Variants in PTPRE observed in about 807,000 individuals in gnomAD.
PTPRE encodes the protein protein tyrosine phosphatase receptor type E.
PTPRE carries 51 observed loss-of-function variants against 102.0 expected under a neutral mutation model. The ratio of observed to expected loss-of-function variants is 0.50; its 90% confidence interval spans 0.40 to 0.63. The LOEUF is 0.63. PTPRE is among the 30% of genes least tolerant of loss of function. The pLI, the probability that PTPRE is intolerant of heterozygous loss-of-function variation, is 0.00. For missense variants in PTPRE, 752 were observed against 915.1 expected (o/e 0.82, Z 2.30); for synonymous variants, 345 against 348.2 (o/e 0.99, Z 0.10).
At position 127,907,273 on chromosome 10, in the gene PTPRE, G is replaced by A; in HGVS notation, c.-67G>A. 1.0e-6 allele frequency: 1 copy of A among 984,746 alleles called. No individual in the cohort carries two copies. The highest frequency in any genetic ancestry group is 1.2e-6 in the Non-Finnish European group (1 of 829,734). 61.0% of individuals were successfully genotyped at this position (984,746 alleles called of 1,614,324 possible). A position where few individuals can be genotyped will look rare whatever the true frequency, so the allele number is the denominator to read the frequency against. ...GCCCGGGAGATGCGGAGCCTCCGCT[G>A]CAGCGCGATCTGCGCGACCAGACCG... is the stretch of plus-strand genomic sequence containing the variant. On this transcript the variant is annotated 5_prime_UTR_variant, in exon 1 of 21. Transcript: ENST00000254667. The surrounding 1 kb of genome is among the most constrained non-coding windows in gnomAD (Gnocchi z 4.8).
intron 6 of PTPRE, among the ~76,000 whole-genome samples, chr10:128,053,976 G>C (rs1324216066): frequency 6.6e-6 from 1 of 152,046 alleles, no homozygotes; most frequent in East Asian, 1.9e-4. Context: ...GGCCAGGCTG[G>C]TCTTGAACTC....
At chr10:128,017,186 C>T (rs1845503963) in intron 2 of PTPRE, among the ~76,000 whole-genome samples, 1 of 152,168 alleles carries the variant, frequency 6.6e-6, no homozygotes, top group Non-Finnish European at 1.5e-5. Flanking sequence ...GAACAGCACC[C>T]AGGTGGCTGA....
chr10:128,072,286 T>A lies in PTPRE; in HGVS notation c.1464+72T>A, dbSNP rs1297205815. On this transcript the variant is annotated intron_variant, in intron 16 of 20. Coordinates refer to ENST00000254667, the MANE Select transcript of PTPRE (RefSeq NM_006504.6). ...ACATGTGACCACAGACTTGATTAGCTTGTTTTCACAATGAGAAAGAATTGA... is the reference window on the plus strand; with the variant it reads ...ACATGTGACCACAGACTTGATTAGCATGTTTTCACAATGAGAAAGAATTGA... 4 of 1,279,658 alleles carry A rather than the reference T, an allele frequency of 3.1e-6. No homozygotes were observed. In the African/African-American group the frequency reaches 6.0e-5, roughly 19 times the overall value. 79.3% of individuals were successfully genotyped at this position (1,279,658 alleles called of 1,614,324 possible).
chr10:128,040,437 G>A (rs1472175005), intron 2 of PTPRE, among the ~76,000 whole-genome samples: 4 of 152,180 alleles, frequency 2.6e-5, no homozygotes, highest in East Asian at 3.9e-4. Context: ...GTGTGAAGAG[G>A]ACAGCGTGGC....
intron 1 of PTPRE, among the ~76,000 whole-genome samples, chr10:127,954,261 A>G (rs886589876): frequency 2.0e-5 from 3 of 152,154 alleles, no homozygotes; most frequent in Non-Finnish European, 4.4e-5. Flanking sequence ...TACAGCCACC[A>G]CTGAGTGACC....
chr10:128,032,634 G>A (rs1846866770), intron 2 of PTPRE, among the ~76,000 whole-genome samples: 1 of 152,234 alleles, frequency 6.6e-6, no homozygotes. Context: ...CAGTGTGGCG[G>A]GAGGAGGCTT....
At position 127,976,738 on chromosome 10, in the gene PTPRE, A is replaced by T. The variant is rs566579472; in HGVS notation, c.-30-5536A>T. Among the ~76,000 whole-genome samples, 3 of 152,328 alleles carry T rather than the reference A, an allele frequency of 2.0e-5. No individual in the cohort carries two copies. The East Asian group carries it at 5.8e-4, about 29-fold the overall frequency. ...CATGTCAGGGAGGGCTCCCTCCCCCAAGTTCAGTAGCTCCTTCTGTCCTGT... is the reference window on the plus strand; with the variant it reads ...CATGTCAGGGAGGGCTCCCTCCCCCTAGTTCAGTAGCTCCTTCTGTCCTGT... On this transcript the variant is annotated intron_variant, in intron 1 of 20. Transcript: ENST00000254667.
chr10:128,018,558 G>A (rs1202626283), intron 2 of PTPRE, among the ~76,000 whole-genome samples: 2 of 152,188 alleles, frequency 1.3e-5, no homozygotes, highest in Admixed American at 6.5e-5. Context: ...GGTGTTGGCC[G>A]AGGCCCTCGC....
rs1334839481 is a variant in PTPRE at position 127,924,436 on chromosome 10, G to A, written c.-31+17127G>A. On this transcript the variant is annotated intron_variant, in intron 1 of 20. Coordinates refer to ENST00000254667, the MANE Select transcript of PTPRE (RefSeq NM_006504.6). ...AGACAGGGTTTTGCCATGTTGGCCA[G>A]GCTGATCTCAAATTCCTGATCTCAA... 2.6e-5 allele frequency among the ~76,000 whole-genome samples: 4 copies of A among 152,182 alleles called. No individual in the cohort carries two copies. The East Asian group carries it at 7.7e-4, about 29-fold the overall frequency.
In PTPRE at chr10:128,079,629, A is replaced by C. The variant is rs17854594; in HGVS notation, c.1962A>C (p.Gly654=). 6.2e-7 allele frequency: 1 copy of C among 1,613,956 alleles called. No individual in the cohort carries two copies. The highest frequency in any genetic ancestry group is 8.5e-7 in the Non-Finnish European group (1 of 1,179,850). The change falls in exon 20 of 21, where the codon GGA becomes GGC. Residue 654 remains glycine (G), a synonymous_variant. Transcript: ENST00000254667. ...TTTTGGAGCGAGTAAAAGCCGAGGG[A>C]CTTTTAGATGTATTTCAAGCTGTGA... ...SNILERVKAE[G]LLDVFQAVKS...
intron 2 of PTPRE, among the ~76,000 whole-genome samples, chr10:128,035,698 T>A (rs753328025): frequency 8.5e-5 from 13 of 152,134 alleles, no homozygotes; most frequent in Non-Finnish European, 1.3e-4. Flanking sequence ...GGGGGCAGTG[T>A]GGGTCAGTCC....
intron 6 of PTPRE, 97 bp downstream of exon 6, chr10:128,049,763 C>T: frequency 1.3e-6 from 2 of 1,539,660 alleles, no homozygotes; most frequent in Non-Finnish European, 1.8e-6. Flanking sequence ...AGACTCAGAA[C>T]CCTTGCATCA....
chr10:127,967,669 C>T (rs749336503), intron 1 of PTPRE, among the ~76,000 whole-genome samples: 4 of 152,168 alleles, frequency 2.6e-5, no homozygotes, highest in Non-Finnish European at 4.4e-5. Context: ...TAAAATGCAG[C>T]ATCCTTACAG....
At chr10:127,913,994 G>T (rs534824953) in intron 1 of PTPRE, among the ~76,000 whole-genome samples, 1 of 152,188 alleles carries the variant, frequency 6.6e-6, no homozygotes, top group Non-Finnish European at 1.5e-5. Context: ...GGTCCCCAGC[G>T]TTGGAGGTAG....
chr10:127,956,519 A>G (rs893786871), intron 1 of PTPRE, among the ~76,000 whole-genome samples: 2 of 152,266 alleles, frequency 1.3e-5, no homozygotes, highest in African/African-American at 2.4e-5. Flanking sequence ...AATTAAGAAT[A>G]AAGCTGCTAT....
rs1846418865 is a variant in PTPRE at position 128,028,082 on chromosome 10, G to A, written c.-7-12793G>A. Among the ~76,000 whole-genome samples the A allele has an allele frequency of 6.6e-6, 1 of 152,218 alleles. No homozygotes were observed. Among genetic ancestry groups the A allele is most frequent in the Admixed American group, 6.5e-5 (1 of 15,284 alleles). Reference sequence around the variant, plus strand: ...GGGCGTGGGAGTCTCCAGAGGCAGCGAGCCCAGGACACTGATGGTGCAGAC... The same window carrying A: ...GGGCGTGGGAGTCTCCAGAGGCAGCAAGCCCAGGACACTGATGGTGCAGAC... On this transcript the variant is annotated intron_variant, in intron 2 of 20. Transcript: ENST00000254667. This position sits in a 1 kb window ranked among gnomAD's most constrained non-coding sequence, Gnocchi z 4.5.
intron 1 of PTPRE, among the ~76,000 whole-genome samples, chr10:127,948,942 C>T (rs916486994): frequency 3.3e-5 from 5 of 152,226 alleles, no homozygotes; most frequent in African/African-American, 7.2e-5. Flanking sequence ...GACCCAGACA[C>T]GACAAAAACA....
intron 12 of PTPRE, chr10:128,068,629 G>T: frequency 5.6e-6 from 1 of 179,868 alleles, no homozygotes; most frequent in Non-Finnish European, 1.2e-5. Flanking sequence ...AAAGCCCCCT[G>T]GTTTCTACAG....
chr10:127,960,897 T>C lies in PTPRE; in HGVS notation c.-30-21377T>C, dbSNP rs892298408. The stretch of plus-strand genomic sequence containing the variant: ...TTAGCCGGGCGTGGTGGTGGTCACC[T>C]GTAGTCCCAGCTACTCAGGAGGCTG... On this transcript the variant is annotated intron_variant, in intron 1 of 20. Transcript: ENST00000254667. 2.6e-5 allele frequency among the ~76,000 whole-genome samples: 4 copies of C among 151,962 alleles called. No individual in the cohort carries two copies. The East Asian group carries it at 7.8e-4, about 30-fold the overall frequency.
Sources: gnomAD v4.1 joint callset for allele counts (sites outside exome capture counted in the v4.1 genomes callset) on GRCh38, gnomAD v4.1.1 for gene constraint, Gnocchi (gnomAD v3.1) non-coding constraint, MANE v1.5 for transcripts, NCBI Gene and HGNC (gene_info 2026-07-23, HGNC 2026-07-21) for gene names.